Variants in ASXL2 observed in about 807,000 individuals in gnomAD.
The protein encoded by ASXL2 is putative Polycomb group protein ASXL2.
In ASXL2, 23 loss-of-function variants were observed where a neutral mutation model predicts 122.0. The ratio of observed to expected loss-of-function variants is 0.19; its 90% CI spans 0.14 to 0.27. ASXL2 has a LOEUF of 0.27. Ranked by LOEUF, ASXL2 falls within the 10% of genes least tolerant of loss-of-function variation. The probability of loss-of-function intolerance (pLI) is 1.00; values close to 1 mark genes in which losing one functional copy is unlikely to be tolerated. For missense variants in ASXL2, 1,518 were observed against 1,713.8 expected, an observed-to-expected ratio of 0.89 and a Z score of 2.02; for synonymous variants, 650 against 637.0, an observed-to-expected ratio of 1.02 and a Z score of -0.31.
chr2:25,829,283 T>TACACAGAAACACAGAAAGGGAG (rs1403004304), intron 3 of ASXL2, among the ~76,000 whole-genome samples: 4 of 145,792 alleles, frequency 2.7e-5, no homozygotes, highest in Non-Finnish European at 4.5e-5. Flanking sequence ...GGGAGACACA[T>TACACAGAAACACAGAAAGGGAG]ACACATACAC....
chr2:25,773,674 A>AC (rs1361123373), intron 5 of ASXL2, among the ~76,000 whole-genome samples: 1 of 151,536 alleles, frequency 6.6e-6, no homozygotes, highest in Non-Finnish European at 1.5e-5. Context: ...TCAAAAAAAA[A>AC]AAAACAAAAA....
intron 2 of ASXL2, among the ~76,000 whole-genome samples, chr2:25,843,946 A>G (rs187170465): frequency 6.6e-6 from 1 of 152,186 alleles, no homozygotes; most frequent in South Asian, 2.1e-4. Flanking sequence ...CTGTTTCTCA[A>G]TGGGAACACT....
chr2:25,818,589 A>G (rs1011639690), intron 3 of ASXL2, among the ~76,000 whole-genome samples: 2 of 152,244 alleles, frequency 1.3e-5, no homozygotes, highest in East Asian at 1.9e-4. Flanking sequence ...CCCTAAAGCA[A>G]TAAATGACTA....
intron 6 of ASXL2, among the ~76,000 whole-genome samples, chr2:25,769,848 G>C (rs1274952098): frequency 2.0e-5 from 3 of 152,082 alleles, no homozygotes; most frequent in South Asian, 2.1e-4. Context: ...CATTTCACAC[G>C]TATCTCTGGC....
chr2:25,821,142 GCACT>G (rs1214088725), intron 3 of ASXL2, among the ~76,000 whole-genome samples: 3 of 152,074 alleles, frequency 2.0e-5, no homozygotes, highest in Non-Finnish European at 4.4e-5. Context: ...TCGCGCCACT[GCACT>G]CCAGTCTGGG....
At chr2:25,854,371 T>C (rs2089753242) in intron 1 of ASXL2, among the ~76,000 whole-genome samples, 1 of 152,190 alleles carries the variant, frequency 6.6e-6, no homozygotes, top group Non-Finnish European at 1.5e-5. Flanking sequence ...ACCTATGAGG[T>C]AGATACTATC....
At chr2:25,877,971 C>T (rs1177949661) in intron 1 of ASXL2, among the ~76,000 whole-genome samples, 195 bp downstream of exon 1, 1 of 152,224 alleles carries the variant, frequency 6.6e-6, no homozygotes, top group African/African-American at 2.4e-5. Context: ...CGCCACGGCC[C>T]CGCGGCTATC....
intron 3 of ASXL2, among the ~76,000 whole-genome samples, chr2:25,831,673 G>A (rs1424462839): frequency 6.6e-6 from 1 of 151,878 alleles, no homozygotes; most frequent in Non-Finnish European, 1.5e-5. Flanking sequence ...AAAACCTGAA[G>A]ATGTAACAGG....
At chr2:25,764,168 G>C (rs2088300637) in intron 8 of ASXL2, among the ~76,000 whole-genome samples, 1 of 152,146 alleles carries the variant, frequency 6.6e-6, no homozygotes, top group South Asian at 2.1e-4. Flanking sequence ...CTTCCTGCCA[G>C]AAATGACATT....
intron 10 of ASXL2, among the ~76,000 whole-genome samples, chr2:25,755,738 A>C (rs538329560): frequency 1.3e-5 from 2 of 152,228 alleles, no homozygotes; most frequent in Non-Finnish European, 2.9e-5. Flanking sequence ...AGAATTGCTG[A>C]ATCAGAATCT....
chr2:25,830,616 ACT>A (rs1052521169), intron 3 of ASXL2, among the ~76,000 whole-genome samples: 57 of 147,224 alleles, frequency 3.9e-4, no homozygotes, highest in African/African-American at 1.5e-3. Context: ...ACGGAGCAAG[ACT>A]CTGCCTCAAA....
intron 8 of ASXL2, among the ~76,000 whole-genome samples, chr2:25,763,401 A>G (rs549887255): frequency 2.0e-5 from 3 of 152,052 alleles, no homozygotes; most frequent in Non-Finnish European, 4.4e-5. Context: ...GAGGCAGGAG[A>G]ATCGCTTGAA....
intron 5 of ASXL2, among the ~76,000 whole-genome samples, chr2:25,798,681 T>A (rs1413518629): frequency 6.6e-6 from 1 of 152,060 alleles, no homozygotes; most frequent in Non-Finnish European, 1.5e-5. Context: ...GGGTAATTGC[T>A]TGAACCCAGG....
intron 6 of ASXL2, 128 bp downstream of exon 6, chr2:25,771,312 A>T: frequency 1.4e-6 from 1 of 694,770 alleles, no homozygotes; most frequent in African/African-American, 1.8e-5. Flanking sequence ...ACATTGGGCT[A>T]CTGCATGAAA....
At chr2:25,842,786 GTGTGTGTATATA>G (rs1405998186) in intron 2 of ASXL2, among the ~76,000 whole-genome samples, 4 of 126,366 alleles carry the variant, frequency 3.2e-5, no homozygotes, top group African/African-American at 3.6e-5. Context: ...GTGTGTGTGT[GTGTGTGTATATA>G]TATATATATA....
At chr2:25,799,065 A>C (rs544915310) in intron 5 of ASXL2, among the ~76,000 whole-genome samples, 30 of 152,204 alleles carry the variant, frequency 2.0e-4, no homozygotes, top group Non-Finnish European at 3.8e-4. Context: ...TACATGGGAA[A>C]TCTCTGTACC....
intron 11 of ASXL2, among the ~76,000 whole-genome samples, chr2:25,750,884 T>C (rs904367624): frequency 3.9e-5 from 6 of 152,148 alleles, no homozygotes; most frequent in Non-Finnish European, 5.9e-5. Flanking sequence ...TGGTCAACTC[T>C]TCTCTGCAAT....
intron 5 of ASXL2, among the ~76,000 whole-genome samples, chr2:25,776,174 C>G (rs2088543145): frequency 6.6e-6 from 1 of 152,188 alleles, no homozygotes; most frequent in Admixed American, 6.5e-5. Context: ...TTTACCCCAT[C>G]TATGTCCGTG....
At chr2:25,813,027 G>A (rs540289236) in intron 3 of ASXL2, among the ~76,000 whole-genome samples, 2 of 152,090 alleles carry the variant, frequency 1.3e-5, no homozygotes, top group African/African-American at 4.8e-5. Context: ...AAGAGAAACA[G>A]AACTAGAAAG....
Sources: allele counts gnomAD v4.1 joint callset (sites outside exome capture counted in the v4.1 genomes callset), GRCh38; gene constraint gnomAD v4.1.1; transcripts MANE v1.5; gene names NCBI Gene and HGNC (gene_info 2026-07-23, HGNC 2026-07-21).